IMMP2L: variants seen among roughly 807,000 people sequenced by gnomAD.
IMMP2L encodes the protein mitochondrial inner membrane protease subunit 2.
In IMMP2L, 18 loss-of-function variants were observed where a neutral mutation model predicts 19.3. The ratio of observed to expected loss-of-function variants is 0.93; its 90% CI spans 0.64 to 1.38. IMMP2L has a LOEUF of 1.38. Ranked by LOEUF, IMMP2L falls within the 40% of genes most tolerant of loss-of-function variation. IMMP2L has a pLI of 0.00. For missense variants in IMMP2L, 233 were observed against 218.2 expected (o/e 1.07, Z -0.43); for synonymous variants, 76 against 73.0 (o/e 1.04, Z -0.21).
intron 5 of IMMP2L, among the ~76,000 whole-genome samples, chr7:110,713,483 T>C (rs1483764312): frequency 6.6e-6 from 1 of 152,218 alleles, no homozygotes; most frequent in Non-Finnish European, 1.5e-5. Flanking sequence ...TAATACTGAA[T>C]CTGTAAATTG....
chr7:110,664,503 G>A (rs919135957), intron 5 of IMMP2L, among the ~76,000 whole-genome samples: 1 of 152,178 alleles, frequency 6.6e-6, no homozygotes, highest in Non-Finnish European at 1.5e-5. Context: ...AAGAGGAGGT[G>A]AGGGGGAGGA....
chr7:110,780,489 A>G (rs1178164578), intron 5 of IMMP2L, among the ~76,000 whole-genome samples: 1 of 151,666 alleles, frequency 6.6e-6, no homozygotes, highest in Non-Finnish European at 1.5e-5. Context: ...TTCAGAGGTA[A>G]ATTTTCAAAC....
At chr7:111,281,362 A>G (rs1774604801) in intron 3 of IMMP2L, among the ~76,000 whole-genome samples, 1 of 152,136 alleles carries the variant, frequency 6.6e-6, no homozygotes, top group South Asian at 2.1e-4. Context: ...CAGAAGATAA[A>G]GGCAATAAAA....
At chr7:110,672,009 G>GA (rs1295444756) in intron 5 of IMMP2L, among the ~76,000 whole-genome samples, 1 of 151,336 alleles carries the variant, frequency 6.6e-6, no homozygotes, top group South Asian at 2.1e-4. Flanking sequence ...TTTAGAAGCT[G>GA]AAAAAAACAA....
At chr7:110,890,955 A>G (rs2129546060) in intron 4 of IMMP2L, among the ~76,000 whole-genome samples, 1 of 152,334 alleles carries the variant, frequency 6.6e-6, no homozygotes, top group South Asian at 2.1e-4. Context: ...TTTCTTCTTA[A>G]AAGTATTTCC....
chr7:111,106,009 A>G (rs1485522076), intron 3 of IMMP2L, among the ~76,000 whole-genome samples: 1 of 152,010 alleles, frequency 6.6e-6, no homozygotes, highest in African/African-American at 2.4e-5. Context: ...AAGAGCAAGT[A>G]CAAATAATAG....
intron 3 of IMMP2L, chr7:111,390,818 A>C (rs1034728891): frequency 3.3e-5 from 5 of 152,130 alleles, no homozygotes; most frequent in African/African-American, 1.2e-4. Flanking sequence ...AGTGGGGCTA[A>C]ATTTCAATTT....
chr7:111,399,887 A>T (rs1376793956), intron 3 of IMMP2L, among the ~76,000 whole-genome samples: 8 of 152,134 alleles, frequency 5.3e-5, no homozygotes, highest in Non-Finnish European at 1.0e-4. Flanking sequence ...TCAACAAAAC[A>T]TCCTATATTA....
intron 3 of IMMP2L, among the ~76,000 whole-genome samples, chr7:111,103,642 C>T (rs981749275): frequency 1.3e-5 from 2 of 151,684 alleles, no homozygotes; most frequent in Non-Finnish European, 3.0e-5. Context: ...GTTTAAGTTA[C>T]AGCAAATTCT....
At position 110,689,032 on chromosome 7, in the gene IMMP2L, C is replaced by A. The variant is rs116468689; in HGVS notation, c.409-25311G>T. Reference sequence around the variant, plus strand: ...CAGTGATTCTCAAAGTGTTGTCCTGCAACCAACAAAATCAACATCATCTGA... The same window carrying A: ...CAGTGATTCTCAAAGTGTTGTCCTGAAACCAACAAAATCAACATCATCTGA... On this transcript the variant is annotated intron_variant, in intron 5 of 5. Coordinates refer to ENST00000405709, the MANE Select transcript of IMMP2L (RefSeq NM_032549.4). Among the ~76,000 whole-genome samples the A allele has an allele frequency of 9.1e-3, 1,358 of 149,924 alleles. 19 individuals are homozygous for A. The highest frequency in any genetic ancestry group is 0.032 in the African/African-American group (1,271 of 39,404).
chr7:111,556,081 C>T (rs1052012186), intron 1 of IMMP2L, among the ~76,000 whole-genome samples: 1 of 134,586 alleles, frequency 7.4e-6, no homozygotes, highest in Non-Finnish European at 1.6e-5. Context: ...AGATATCAGT[C>T]GGAATTTTTA....
intron 3 of IMMP2L, among the ~76,000 whole-genome samples, chr7:111,126,206 C>G (rs192190129): frequency 9.2e-5 from 14 of 152,118 alleles, no homozygotes; most frequent in Admixed American, 1.3e-4. Context: ...CTCTCTGATT[C>G]AAAACAGTTA....
chr7:111,217,122 T>TCACA lies in IMMP2L; in HGVS notation c.240-253558_240-253557insTGTG, dbSNP rs1333152322. On this transcript the variant is annotated intron_variant, in intron 3 of 5. Coordinates refer to ENST00000405709, the MANE Select transcript of IMMP2L (RefSeq NM_032549.4). Reference sequence around the variant, plus strand: ...GTCTCTCTCTCTCTCTCTCTCTCTCTCTCTCACACACACACACACACACAC... The same window carrying TCACA: ...GTCTCTCTCTCTCTCTCTCTCTCTCTCACACTCTCACACACACACACACACACAC... 4.2e-3 allele frequency among the ~76,000 whole-genome samples: 594 copies of TCACA among 140,454 alleles called. 2 individuals are homozygous for TCACA. Among genetic ancestry groups the TCACA allele is most frequent in the South Asian group, 7.9e-3 (35 of 4,452 alleles). 92.1% of individuals were successfully genotyped at this position (140,454 alleles called of 152,430 possible). A position where few individuals can be genotyped will look rare whatever the true frequency, so the allele number is the denominator to read the frequency against.
rs1809702617 is a variant in IMMP2L at position 110,882,122 on chromosome 7, G to A, written c.408+4471C>T. On this transcript the variant is annotated intron_variant, in intron 5 of 5. Coordinates refer to ENST00000405709, the MANE Select transcript of IMMP2L (RefSeq NM_032549.4). ...TGACCCTCTTACCTGCCCCTTCTAGGCATCAGGTTATGTTTTAATGCTTAG... is the reference window on the plus strand; with the variant it reads ...TGACCCTCTTACCTGCCCCTTCTAGACATCAGGTTATGTTTTAATGCTTAG... Among the ~76,000 whole-genome samples the A allele has an allele frequency of 2.0e-5, 3 of 151,992 alleles. No individual in the cohort carries two copies. The South Asian group carries it at 6.2e-4, about 32-fold the overall frequency.
chr7:111,176,132 A>T (rs1265703567), intron 3 of IMMP2L, among the ~76,000 whole-genome samples: 1 of 151,984 alleles, frequency 6.6e-6, no homozygotes, highest in African/African-American at 2.4e-5. Flanking sequence ...GCTGGCAAAG[A>T]TGTGAAGAAA....
At chr7:111,348,070 T>C (rs540210356) in intron 3 of IMMP2L, among the ~76,000 whole-genome samples, 37 of 140,548 alleles carry the variant, frequency 2.6e-4, no homozygotes, top group East Asian at 1.1e-3. Context: ...TTCTCACTCA[T>C]AGGTGGGAAC....
At chr7:111,030,923 T>C in intron 3 of IMMP2L, among the ~76,000 whole-genome samples, 1 of 101,196 alleles carries the variant, frequency 9.9e-6, no homozygotes, top group Non-Finnish European at 2.0e-5. Context: ...TATATATATA[T>C]ATAAAATATA....
chr7:111,030,079 A>G (rs1232241225), intron 3 of IMMP2L, among the ~76,000 whole-genome samples: 2 of 152,164 alleles, frequency 1.3e-5, no homozygotes, highest in Non-Finnish European at 2.9e-5. Flanking sequence ...ATTCCAGCTC[A>G]TTACCACAAA....
rs186229728 is a variant in IMMP2L at position 110,802,045 on chromosome 7, A to C, written c.408+84548T>G. 2.4e-3 allele frequency among the ~76,000 whole-genome samples: 372 copies of C among 152,150 alleles called. 2 individuals are homozygous for C. The highest frequency in any genetic ancestry group is 4.1e-3 in the Non-Finnish European group (279 of 67,982). On this transcript the variant is annotated intron_variant, in intron 5 of 5. Coordinates refer to ENST00000405709, the MANE Select transcript of IMMP2L (RefSeq NM_032549.4). Reference sequence around the variant, plus strand: ...CATGGAGCCCGGGGCATACACCTGTACCCTTTACAACATATATTCTTTGCT... The same window carrying C: ...CATGGAGCCCGGGGCATACACCTGTCCCCTTTACAACATATATTCTTTGCT...
Sources: allele counts gnomAD v4.1 joint callset (sites outside exome capture counted in the v4.1 genomes callset), GRCh38; gene constraint gnomAD v4.1.1; transcripts MANE v1.5; gene names NCBI Gene and HGNC (gene_info 2026-07-23, HGNC 2026-07-21).